The following SMYD3 variants were observed in gnomAD, a reference collection of about 807,000 sequenced individuals.
The protein encoded by SMYD3 is SET and MYND domain containing 3.
In SMYD3, 36 loss-of-function variants were observed where a neutral mutation model predicts 57.7. The observed-to-expected ratio is 0.62, with a 90% CI of 0.48 to 0.82. The LOEUF (loss-of-function observed/expected upper bound fraction) is 0.82, where lower values mean the gene tolerates loss of function less well. SMYD3 is among the 40% of genes least tolerant of loss of function. SMYD3 has a pLI of 0.00. For synonymous variants in SMYD3, 211 were observed against 195.0 expected, an observed-to-expected ratio of 1.08 and a Z score of -0.68; for missense variants, 515 against 538.8, an observed-to-expected ratio of 0.96 and a Z score of 0.44.
Position 246,331,905 on chromosome 1 carries a change from C to T in SMYD3, c.337-1368G>A, listed in dbSNP as rs139490869. On this transcript the variant is annotated intron_variant, in intron 3 of 11. Transcript: ENST00000490107. ...TGTAATTGTTTTGGGGTACCACAAA[C>T]CATCCCCATATAAGACCACAAACTT... Among the ~76,000 whole-genome samples, 461 of 152,272 alleles carry T rather than the reference C, an allele frequency of 3.0e-3. 4 individuals are homozygous for T. Among genetic ancestry groups the T allele is most frequent in the African/African-American group, 9.8e-3 (408 of 41,554 alleles).
At chr1:246,282,414 G>A (rs576856915) in intron 5 of SMYD3, among the ~76,000 whole-genome samples, 32 of 149,978 alleles carry the variant, frequency 2.1e-4, no homozygotes, top group Non-Finnish European at 3.5e-4. Context: ...TGGAAGGATC[G>A]CTTGATCCCA....
At chr1:246,279,202 A>G (rs557475435) in intron 5 of SMYD3, among the ~76,000 whole-genome samples, 63 of 152,334 alleles carry the variant, frequency 4.1e-4, no homozygotes, top group Admixed American at 4.0e-3. Flanking sequence ...ACAATCCCAA[A>G]GAGCCACTTA....
intron 8 of SMYD3, among the ~76,000 whole-genome samples, chr1:245,864,989 T>A (rs2051752536): frequency 6.6e-6 from 1 of 152,174 alleles, no homozygotes; most frequent in Non-Finnish European, 1.5e-5. Context: ...GCCCTCCTAT[T>A]CAGTAAGCAG....
chr1:245,767,865 C>T (rs182936069), intron 10 of SMYD3, among the ~76,000 whole-genome samples: 148 of 152,182 alleles, frequency 9.7e-4, no homozygotes, highest in Admixed American at 2.0e-3. Flanking sequence ...TGAGGCACTA[C>T]CAAAGGGGGC....
At chr1:246,126,445 G>A (rs951362620) in intron 5 of SMYD3, among the ~76,000 whole-genome samples, 3 of 152,200 alleles carry the variant, frequency 2.0e-5, no homozygotes, top group East Asian at 3.8e-4. Flanking sequence ...TTCTTGCACT[G>A]TTTAGTAGTC....
chr1:246,419,374 C>T (rs548222412), intron 1 of SMYD3, among the ~76,000 whole-genome samples: 4 of 152,332 alleles, frequency 2.6e-5, no homozygotes, highest in Admixed American at 6.5e-5. Flanking sequence ...CACGTCCTCC[C>T]GATGTCCGGC....
At chr1:245,876,077 C>G (rs2052471081) in intron 8 of SMYD3, among the ~76,000 whole-genome samples, 1 of 152,184 alleles carries the variant, frequency 6.6e-6, no homozygotes, top group Admixed American at 6.5e-5. Flanking sequence ...CTGCAGAGAG[C>G]TTACTTCCTC....
chr1:246,280,110 T>C (rs1027074359), intron 5 of SMYD3, among the ~76,000 whole-genome samples: 4 of 152,160 alleles, frequency 2.6e-5, no homozygotes, highest in African/African-American at 7.2e-5. Context: ...GGAATATATA[T>C]AGTAGCATGA....
At chr1:246,505,488 AGAATCCAATATTATCAGG>A (rs2068523529) in intron 1 of SMYD3, among the ~76,000 whole-genome samples, 2 of 151,662 alleles carry the variant, frequency 1.3e-5, no homozygotes, top group East Asian at 3.9e-4. Context: ...TACCTACTGC[AGAATCCAATATTATCAGG>A]CGACAGAAGT....
At chr1:246,413,688 G>C (rs897014413) in intron 1 of SMYD3, among the ~76,000 whole-genome samples, 16 of 152,050 alleles carry the variant, frequency 1.1e-4, no homozygotes, top group African/African-American at 3.6e-4. Context: ...CATGTGACGG[G>C]CCAGCTCCGC....
intron 5 of SMYD3, among the ~76,000 whole-genome samples, chr1:246,304,475 C>A (rs563813905): frequency 1.3e-5 from 2 of 151,970 alleles, no homozygotes; most frequent in Admixed American, 6.6e-5. Context: ...TAGTAAATGA[C>A]CAGCAACTGA....
intron 5 of SMYD3, among the ~76,000 whole-genome samples, chr1:245,962,987 G>A (rs1039369322): frequency 7.2e-5 from 11 of 152,134 alleles, no homozygotes; most frequent in Non-Finnish European, 1.2e-4. Context: ...AGTTACTGCC[G>A]CTGGCATTAT....
intron 1 of SMYD3, among the ~76,000 whole-genome samples, chr1:246,427,240 C>T (rs1046289153): frequency 6.6e-6 from 1 of 152,204 alleles, no homozygotes; most frequent in Non-Finnish European, 1.5e-5. Flanking sequence ...TAATATTAAA[C>T]ATTAAAATAG....
intron 5 of SMYD3, among the ~76,000 whole-genome samples, chr1:245,959,333 C>A (rs547884559): frequency 6.6e-6 from 1 of 152,278 alleles, no homozygotes; most frequent in Admixed American, 6.5e-5. Context: ...TGTTATTCTA[C>A]GGCTCCCGAC....
At chr1:245,904,310 C>T (rs940845584) in intron 8 of SMYD3, among the ~76,000 whole-genome samples, 1 of 152,136 alleles carries the variant, frequency 6.6e-6, no homozygotes, top group Non-Finnish European at 1.5e-5. Context: ...TTCCTCTTCA[C>T]TATGATTTTA....
At chr1:246,414,289 CAA>C (rs537158610) in intron 1 of SMYD3, among the ~76,000 whole-genome samples, 98 of 152,206 alleles carry the variant, frequency 6.4e-4, no homozygotes, top group Admixed American at 2.9e-3. Context: ...TAGAGGAAAT[CAA>C]AAGAGTCATT....
At chr1:245,904,459 G>C (rs984409092) in intron 8 of SMYD3, among the ~76,000 whole-genome samples, 1 of 152,154 alleles carries the variant, frequency 6.6e-6, no homozygotes, top group African/African-American at 2.4e-5. Flanking sequence ...GCAATTGTGA[G>C]GCACTGAACT....
intron 5 of SMYD3, among the ~76,000 whole-genome samples, chr1:245,942,117 C>A (rs1210905244): frequency 6.6e-6 from 1 of 152,194 alleles, no homozygotes; most frequent in Admixed American, 6.5e-5. Flanking sequence ...GGATCAAATT[C>A]ACACATAACA....
At chr1:245,805,492 T>G (rs1037994660) in intron 10 of SMYD3, among the ~76,000 whole-genome samples, 1 of 152,264 alleles carries the variant, frequency 6.6e-6, no homozygotes. Flanking sequence ...CATTTGCTGA[T>G]GTGCAATTTG....
Sources: gnomAD v4.1 joint callset for allele counts (sites outside exome capture counted in the v4.1 genomes callset) on GRCh38, gnomAD v4.1.1 for gene constraint, MANE v1.5 for transcripts, NCBI Gene and HGNC (gene_info 2026-07-23, HGNC 2026-07-21) for gene names.